The following EWSR1 variants were observed in gnomAD, a reference collection of about 807,000 sequenced individuals.
The protein encoded by EWSR1 is EWS RNA binding protein 1.
Under a neutral mutation model 92.1 loss-of-function variants are expected in EWSR1, and 14 were observed. The observed-to-expected ratio is 0.15, with a 90% CI of 0.10 to 0.24. The LOEUF (loss-of-function observed/expected upper bound fraction) is 0.24, where lower values mean the gene tolerates loss of function less well. EWSR1 is among the 10% of genes least tolerant of loss of function. EWSR1 has a pLI of 1.00. For synonymous variants in EWSR1, 303 were observed against 292.9 expected, an observed-to-expected ratio of 1.03 and a Z score of -0.35; for missense variants, 637 against 870.9, an observed-to-expected ratio of 0.73 and a Z score of 3.38.
chr22:29,284,188 T>A (rs1306459199), intron 6 of EWSR1, among the ~76,000 whole-genome samples: 1 of 151,376 alleles, frequency 6.6e-6, no homozygotes, highest in Admixed American at 6.5e-5. Context: ...CAGGCTGGTC[T>A]TGAACTCCTG....
At chr22:29,298,071 G>A (rs1273448395) in intron 13 of EWSR1, 122 bp downstream of exon 13, 15 of 1,108,898 alleles carry the variant, frequency 1.4e-5, no homozygotes, top group East Asian at 2.4e-5. Flanking sequence ...CTAGACTATC[G>A]AGAGCTAACA....
intron 5 of EWSR1, among the ~76,000 whole-genome samples, chr22:29,280,211 G>T (rs1332183807): frequency 6.6e-6 from 1 of 152,088 alleles, no homozygotes; most frequent in Non-Finnish European, 1.5e-5. Context: ...GGGACTACGG[G>T]CATGTACCAC....
chr22:29,282,620 C>T (rs983077380), intron 6 of EWSR1, 63 bp downstream of exon 6: 2 of 1,409,810 alleles, frequency 1.4e-6, no homozygotes, highest in African/African-American at 3.0e-5. Flanking sequence ...AGGTTGTTGA[C>T]CAGCTTGCTT....
At chr22:29,294,932 G>A (rs538186303) in intron 11 of EWSR1, among the ~76,000 whole-genome samples, 1 of 151,804 alleles carries the variant, frequency 6.6e-6, no homozygotes, top group Non-Finnish European at 1.5e-5. Flanking sequence ...AGGAAATACA[G>A]TTGATTTTGG....
intron 9 of EWSR1, 155 bp from the exon 10 acceptor site, chr22:29,291,980 TAA>T (rs72547475): frequency 5.6e-6 from 4 of 709,696 alleles, no homozygotes; most frequent in East Asian, 2.6e-5. Context: ...TCACAAATGT[TAA>T]AGAGACACTG....
intron 2 of EWSR1, 43 bp downstream of exon 2, chr22:29,272,295 T>G: frequency 1.2e-6 from 2 of 1,612,458 alleles, no homozygotes; most frequent in East Asian, 2.2e-5. Context: ...GTGATTAATA[T>G]TTTTTGAATA....
chr22:29,291,335 A>G (rs1201233419), intron 8 of EWSR1: 5 of 442,480 alleles, frequency 1.1e-5, no homozygotes, highest in East Asian at 3.4e-5. Context: ...AGCCCCCGAA[A>G]TGAAAGGAAC....
At chr22:29,299,926 AAGTCCTC>A in intron 16 of EWSR1, 75 bp downstream of exon 16, 1 of 1,539,060 alleles carries the variant, frequency 6.5e-7, no homozygotes, top group Middle Eastern at 2.0e-4. Context: ...TGGTTGGCGC[AAGTCCTC>A]ATGTCTCTAG....
intron 9 of EWSR1, chr22:29,291,860 A>T: frequency 1.8e-6 from 1 of 567,896 alleles, no homozygotes. Flanking sequence ...TTAGAGGAAA[A>T]ATTTTGACTT....
At chr22:29,291,938 G>C in intron 9 of EWSR1, 199 bp from the exon 10 acceptor site, 1 of 607,522 alleles carries the variant, frequency 1.6e-6, no homozygotes, top group Non-Finnish European at 2.9e-6. Context: ...AAGCAAACCA[G>C]CAAAGGAAAA....
rs770793570 is a variant in EWSR1 at position 29,292,221 on chromosome 22, A to G, written c.1045+52A>G. 28 of 1,544,716 alleles carry G rather than the reference A, an allele frequency of 1.8e-5. No individual in the cohort carries two copies. The East Asian group carries it at 5.6e-4, about 31-fold the overall frequency. On this transcript the variant is annotated intron_variant, in intron 10 of 16. Transcript: ENST00000397938. ...ATATCGTGCTTTGTAAATTAATGGT[A>G]CAGAGGTAAATGCATGCGTAGAGTT...
At position 29,291,872 on chromosome 22, in the gene EWSR1, A is replaced by C. The variant is rs2060466094; in HGVS notation, c.1013-265A>C. 3.5e-6 allele frequency: 2 copies of C among 565,704 alleles called. 1 individual carries two copies. Among genetic ancestry groups the C allele is most frequent in the Non-Finnish European group, 6.2e-6 (2 of 322,954 alleles). The allele number at this position is 565,704 out of a possible 1,614,324, so 35.0% of individuals were successfully genotyped here. A position where few individuals can be genotyped will look rare whatever the true frequency, so the allele number is the denominator to read the frequency against. ...TATTTAGAGGAAAAATTTTGACTTA[A>C]ATTTAACACTGATTTGGCACATAAG... is the stretch of plus-strand genomic sequence containing the variant. On this transcript the variant is annotated intron_variant, in intron 9 of 16. Coordinates refer to ENST00000397938, the MANE Select transcript of EWSR1 (RefSeq NM_005243.4).
intron 15 of EWSR1, 95 bp downstream of exon 15, chr22:29,299,426 A>G: frequency 6.6e-7 from 1 of 1,522,252 alleles, no homozygotes; most frequent in Non-Finnish European, 8.8e-7. Flanking sequence ...CCCTCTGCTT[A>G]ACAACTTTGA....
intron 11 of EWSR1, among the ~76,000 whole-genome samples, chr22:29,295,246 A>G (rs188090434): frequency 6.6e-6 from 1 of 152,208 alleles, no homozygotes; most frequent in East Asian, 1.9e-4. Flanking sequence ...TATAACATGT[A>G]GTTTATTGAG....
At position 29,268,321 on chromosome 22, in the gene EWSR1, G is replaced by A. The variant is rs1398098301; in HGVS notation, c.-16G>A. On this transcript the variant is annotated 5_prime_UTR_variant, in exon 1 of 17. Coordinates refer to ENST00000397938, the MANE Select transcript of EWSR1 (RefSeq NM_005243.4). ...AGGGAGACGGACGTTGAGAGAACGA[G>A]GAGGAAGGAGAGAAAATGGCGTCCA... 4 of 1,613,798 alleles carry A rather than the reference G, an allele frequency of 2.5e-6. No homozygotes were observed. Among genetic ancestry groups the A allele is most frequent in the Admixed American group, 1.7e-5 (1 of 60,016 alleles).
At chr22:29,281,508 A>G (rs1290963548) in intron 5 of EWSR1, among the ~76,000 whole-genome samples, 1 of 149,064 alleles carries the variant, frequency 6.7e-6, no homozygotes, top group Non-Finnish European at 1.5e-5. Flanking sequence ...GTCTCCCTAT[A>G]TTACCAGGCT....
chr22:29,271,228 A>G (rs1389037292), intron 1 of EWSR1, among the ~76,000 whole-genome samples: 1 of 152,186 alleles, frequency 6.6e-6, no homozygotes, highest in African/African-American at 2.4e-5. Context: ...TCTTGTGGAG[A>G]AGAAAGAATT....
At chr22:29,272,509 A>G (rs1271756291) in intron 3 of EWSR1, 78 bp downstream of exon 3, 2 of 1,422,988 alleles carry the variant, frequency 1.4e-6, no homozygotes, top group African/African-American at 1.4e-5. Context: ...TCAGTTATCC[A>G]GTAAAACAAA....
intron 5 of EWSR1, among the ~76,000 whole-genome samples, chr22:29,281,773 G>A (rs982292158): frequency 3.3e-5 from 5 of 151,658 alleles, no homozygotes; most frequent in African/African-American, 7.3e-5. Flanking sequence ...TTTTAGTAGA[G>A]ACAGGGTTTC....
Sources: gnomAD v4.1 joint callset for allele counts (sites outside exome capture counted in the v4.1 genomes callset) on GRCh38, gnomAD v4.1.1 for gene constraint, MANE v1.5 for transcripts, NCBI Gene and HGNC (gene_info 2026-07-23, HGNC 2026-07-21) for gene names.